The following RBMS3 variants were observed in gnomAD, a reference collection of about 807,000 sequenced individuals.
RBMS3 encodes RNA-binding motif, single-stranded-interacting protein 3.
In RBMS3, 27 loss-of-function variants were observed where a neutral mutation model predicts 66.8. The observed-to-expected ratio is 0.40, with a 90% CI of 0.30 to 0.56. RBMS3 has a LOEUF of 0.56. Among genes scored for constraint, RBMS3 ranks in the 20% least tolerant of loss-of-function variants. The pLI is 0.40. For missense variants in RBMS3, 513 were observed against 549.5 expected (o/e 0.93, Z 0.66); for synonymous variants, 188 against 183.0 (o/e 1.03, Z -0.22).
chr3:29,959,104 C>A (rs550980157), intron 12 of RBMS3, among the ~76,000 whole-genome samples: 1 of 152,140 alleles, frequency 6.6e-6, no homozygotes, highest in African/African-American at 2.4e-5. Flanking sequence ...AAGTTTTGAA[C>A]AAGATGAGCA....
chr3:29,867,930 C>T (rs924975492), intron 6 of RBMS3, among the ~76,000 whole-genome samples: 5 of 152,018 alleles, frequency 3.3e-5, no homozygotes, highest in Non-Finnish European at 1.5e-5. Context: ...AATTAACCTT[C>T]CCAGCCATAT....
At chr3:29,538,418 C>A (rs190231221) in intron 3 of RBMS3, among the ~76,000 whole-genome samples, 1 of 152,228 alleles carries the variant, frequency 6.6e-6, no homozygotes, top group East Asian at 1.9e-4. Flanking sequence ...TTATTGAGTG[C>A]GAAGTTTCCT....
chr3:29,341,689 C>G (rs2036291730), intron 1 of RBMS3, among the ~76,000 whole-genome samples: 1 of 152,140 alleles, frequency 6.6e-6, no homozygotes, highest in South Asian at 2.1e-4. Flanking sequence ...CTTGGCTTCT[C>G]TTCCTCTTAC....
At chr3:29,651,629 A>C (rs777002051) in intron 4 of RBMS3, among the ~76,000 whole-genome samples, 1 of 152,162 alleles carries the variant, frequency 6.6e-6, no homozygotes, top group Admixed American at 6.5e-5. Context: ...GTTAGTTTTT[A>C]AGTACTGCCC....
intron 4 of RBMS3, among the ~76,000 whole-genome samples, chr3:29,708,668 G>A (rs1257288546): frequency 2.0e-5 from 3 of 152,064 alleles, no homozygotes; most frequent in Non-Finnish European, 2.9e-5. Context: ...CACTGAAGTG[G>A]GTGGCTTCAA....
chr3:29,941,629 T>C (rs1041369377), intron 11 of RBMS3, among the ~76,000 whole-genome samples: 3 of 151,770 alleles, frequency 2.0e-5, no homozygotes, highest in Non-Finnish European at 4.4e-5. Context: ...TACGAGTGTG[T>C]ATTTGTAAAT....
intron 5 of RBMS3, among the ~76,000 whole-genome samples, chr3:29,745,703 G>T (rs561933944): frequency 6.6e-6 from 1 of 152,118 alleles, no homozygotes; most frequent in Admixed American, 6.6e-5. Flanking sequence ...GCTAAAGAGC[G>T]TGAGAGACCA....
At chr3:29,570,262 A>C (rs573757428) in intron 3 of RBMS3, among the ~76,000 whole-genome samples, 1 of 152,276 alleles carries the variant, frequency 6.6e-6, no homozygotes, top group South Asian at 2.1e-4. Context: ...CATGTAATGC[A>C]TAATAATCAC....
At chr3:29,638,305 G>T (rs992059224) in intron 4 of RBMS3, among the ~76,000 whole-genome samples, 1 of 151,262 alleles carries the variant, frequency 6.6e-6, no homozygotes, top group Admixed American at 6.6e-5. Context: ...ATCATCCTCT[G>T]GAATAAGAAC....
At chr3:29,862,082 C>T (rs1577019518) in intron 6 of RBMS3, among the ~76,000 whole-genome samples, 1 of 152,186 alleles carries the variant, frequency 6.6e-6, no homozygotes, top group African/African-American at 2.4e-5. Flanking sequence ...CTACTGAAGT[C>T]TCTAATTATT....
At chr3:29,378,434 G>A (rs1235140554) in intron 1 of RBMS3, among the ~76,000 whole-genome samples, 2 of 151,028 alleles carry the variant, frequency 1.3e-5, no homozygotes, top group Non-Finnish European at 2.9e-5. Context: ...ATCGCGCCAC[G>A]GCATTGCAGC....
intron 5 of RBMS3, among the ~76,000 whole-genome samples, chr3:29,749,847 T>G (rs1471024885): frequency 6.6e-6 from 1 of 152,168 alleles, no homozygotes; most frequent in Non-Finnish European, 1.5e-5. Flanking sequence ...GTGTTCAATG[T>G]GTCCTGATAC....
intron 11 of RBMS3, among the ~76,000 whole-genome samples, chr3:29,943,208 G>C (rs1249996092): frequency 6.6e-6 from 1 of 151,758 alleles, no homozygotes; most frequent in Non-Finnish European, 1.5e-5. Context: ...TGGGATTTTT[G>C]CTTTTAATAA....
intron 1 of RBMS3, among the ~76,000 whole-genome samples, chr3:29,286,833 A>G (rs2032386777): frequency 6.6e-6 from 1 of 152,148 alleles, no homozygotes; most frequent in Non-Finnish European, 1.5e-5. Flanking sequence ...CAAAACAACA[A>G]AAAAAGTATT....
At position 29,963,872 on chromosome 3, in the gene RBMS3, G is replaced by A. The variant is rs1696649695; in HGVS notation, c.1098+19618G>A. ...TGTATTAAAGGCTGAGTACATAAAG[G>A]AAGAAAATGGATGTAAAGAATGAAG... On this transcript the variant is annotated intron_variant, in intron 12 of 14. Coordinates refer to ENST00000383767, the MANE Select transcript of RBMS3 (RefSeq NM_001003793.3). Among the ~76,000 whole-genome samples the A allele has an allele frequency of 6.7e-5, 10 of 149,934 alleles. 1 individual carries two copies. The South Asian group carries it at 1.7e-3, about 25-fold the overall frequency.
chr3:29,829,292 G>T (rs536691021), intron 6 of RBMS3, among the ~76,000 whole-genome samples: 2 of 152,064 alleles, frequency 1.3e-5, no homozygotes, highest in Non-Finnish European at 2.9e-5. Flanking sequence ...TAATCCACCC[G>T]CCTTGGCCTC....
At chr3:29,989,868 T>A (rs2149798730) in intron 13 of RBMS3, among the ~76,000 whole-genome samples, 1 of 152,322 alleles carries the variant, frequency 6.6e-6, no homozygotes, top group African/African-American at 2.4e-5. Context: ...TCTAGGCAGT[T>A]TAAGTGTAAA....
At chr3:29,731,541 ACTT>A (rs1179725165) in intron 4 of RBMS3, among the ~76,000 whole-genome samples, 1 of 152,130 alleles carries the variant, frequency 6.6e-6, no homozygotes, top group African/African-American at 2.4e-5. Flanking sequence ...GTGAAAGCCT[ACTT>A]CTTTGCAGTC....
intron 1 of RBMS3, among the ~76,000 whole-genome samples, chr3:29,293,340 C>T (rs760720006): frequency 6.6e-6 from 1 of 151,700 alleles, no homozygotes; most frequent in South Asian, 2.1e-4. Flanking sequence ...CCAGCAAAGC[C>T]GTATTGCCAT....
Sources: allele counts gnomAD v4.1 joint callset (sites outside exome capture counted in the v4.1 genomes callset), GRCh38; gene constraint gnomAD v4.1.1; transcripts MANE v1.5; gene names NCBI Gene and HGNC (gene_info 2026-07-23, HGNC 2026-07-21).